The following COXFA4L2 variants were observed in gnomAD, a reference collection of about 807,000 sequenced individuals.
COXFA4L2 encodes NADH dehydrogenase (ubiquinone) 1 alpha subcomplex, 4-like 2.
the COXFA4L2 span, among the ~76,000 whole-genome samples, chr12:57,238,409 G>T: frequency 7.9e-5 from 12 of 152,062 alleles, no homozygotes; most frequent in South Asian, 4.2e-4. The surrounding 1 kb of genome is among the most constrained non-coding windows in gnomAD (Gnocchi z 6.8). Flanking sequence ...GATGTGTGTG[G>T]GGGGGGCGGG....
the COXFA4L2 span, chr12:57,236,614 G>GC: frequency 6.3e-7 from 1 of 1,584,394 alleles, no homozygotes; most frequent in Non-Finnish European, 8.6e-7. Context: ...GCTGCGAAGG[G>GC]CGAGTCGCAG....
chr12:57,236,193 C>T, the COXFA4L2 span: 4 of 326,198 alleles, frequency 1.2e-5, no homozygotes, highest in African/African-American at 2.1e-5. Flanking sequence ...CTTTCACTTC[C>T]GGACCCTCTC....
At chr12:57,235,824 G>A in the COXFA4L2 span, 6 of 1,527,964 alleles carry the variant, frequency 3.9e-6, no homozygotes, top group South Asian at 2.6e-5. Context: ...GGAGCAGGAG[G>A]GGGGAGGGTT....
At chr12:57,238,667 C>T in the COXFA4L2 span, among the ~76,000 whole-genome samples, 1 of 152,358 alleles carries the variant, frequency 6.6e-6, no homozygotes, top group Admixed American at 6.5e-5. The surrounding 1 kb of genome is among the most constrained non-coding windows in gnomAD (Gnocchi z 6.8). Flanking sequence ...TGCGCCTTTG[C>T]TCACAGGCCC....
the COXFA4L2 span, chr12:57,236,545 A>G: frequency 1.3e-6 from 2 of 1,481,560 alleles, no homozygotes; most frequent in South Asian, 1.3e-5. Flanking sequence ...TTTCCACCCC[A>G]TCTTGCCTCA....
the COXFA4L2 span, chr12:57,236,223 T>C: frequency 3.0e-6 from 1 of 332,798 alleles, no homozygotes; most frequent in Non-Finnish European, 5.5e-6. Flanking sequence ...GTGTGAAATC[T>C]CCGCCCCACA....
chr12:57,235,862 CTG>C, the COXFA4L2 span: 1 of 1,467,794 alleles, frequency 6.8e-7, no homozygotes. Flanking sequence ...ACCCAGAACT[CTG>C]TAACCCAATT....
the COXFA4L2 span, chr12:57,235,647 C>G: frequency 6.2e-7 from 1 of 1,613,850 alleles, no homozygotes; most frequent in Non-Finnish European, 8.5e-7. Context: ...GGGGGTTGCG[C>G]TGAGTACCCC....
the COXFA4L2 span, chr12:57,235,263 C>T: frequency 3.8e-6 from 2 of 524,044 alleles, no homozygotes; most frequent in Middle Eastern, 5.1e-4. Context: ...CCACACCCTT[C>T]GAGGCCCGGG....
chr12:57,235,411 G>C, the COXFA4L2 span: 1 of 821,604 alleles, frequency 1.2e-6, no homozygotes. Context: ...AGTAGGGGTG[G>C]AGCAGCCTCC....
chr12:57,237,144 G>A, the COXFA4L2 span: 1 of 1,613,930 alleles, frequency 6.2e-7, no homozygotes, highest in South Asian at 1.1e-5. Flanking sequence ...TCCTCCTGGG[G>A]TCCCGCCCCT....
At chr12:57,236,319 C>T in the COXFA4L2 span, 2 of 476,304 alleles carry the variant, frequency 4.2e-6, no homozygotes, top group Non-Finnish European at 7.4e-6. Flanking sequence ...AAAGCCCAAG[C>T]CCACCGCTGG....
At chr12:57,235,823 G>C in the COXFA4L2 span, 13 of 1,526,960 alleles carry the variant, frequency 8.5e-6, no homozygotes, top group South Asian at 5.2e-5. Context: ...TGGAGCAGGA[G>C]GGGGGAGGGT....
the COXFA4L2 span, chr12:57,237,149 G>A: frequency 8.7e-6 from 14 of 1,613,646 alleles, no homozygotes; most frequent in Admixed American, 1.3e-4. Flanking sequence ...CTGGGGTCCC[G>A]CCCCTGAGTG....
At chr12:57,235,104 CAGGCCCTGG>C in the COXFA4L2 span, 1 of 167,878 alleles carries the variant, frequency 6.0e-6, no homozygotes, top group African/African-American at 2.4e-5. Flanking sequence ...CCAGCCTGGG[CAGGCCCTGG>C]ACCAGCCCAA....
At chr12:57,235,784 G>A in the COXFA4L2 span, 9 of 1,563,196 alleles carry the variant, frequency 5.8e-6, no homozygotes, top group Middle Eastern at 1.7e-4. Context: ...CGGTTCCAGG[G>A]CTCCGGGTTG....
the COXFA4L2 span, among the ~76,000 whole-genome samples, chr12:57,235,969 G>A: frequency 2.0e-5 from 3 of 152,154 alleles, no homozygotes; most frequent in African/African-American, 4.8e-5. Flanking sequence ...ACAAAGGAAC[G>A]GTCATATTAG....
the COXFA4L2 span, among the ~76,000 whole-genome samples, chr12:57,238,484 AG>A: frequency 6.6e-6 from 1 of 152,126 alleles, no homozygotes; most frequent in East Asian, 1.9e-4. The surrounding 1 kb of genome is among the most constrained non-coding windows in gnomAD (Gnocchi z 6.8). Flanking sequence ...CCGCGCCTCC[AG>A]GGCCCAGGAA....
the COXFA4L2 span, chr12:57,235,878 C>T: frequency 7.2e-7 from 1 of 1,391,304 alleles, no homozygotes; most frequent in East Asian, 2.5e-5. Context: ...CCCAATTTGA[C>T]CCCCAAGCTC....
Sources: gnomAD v4.1 joint callset for allele counts (sites outside exome capture counted in the v4.1 genomes callset) on GRCh38, gnomAD v4.1.1 for gene constraint, Gnocchi (gnomAD v3.1) non-coding constraint, MANE v1.5 for transcripts, NCBI Gene and HGNC (gene_info 2026-07-23, HGNC 2026-07-21) for gene names.